FOXP2: variants seen among roughly 807,000 people sequenced by gnomAD.
The protein encoded by FOXP2 is forkhead box P2.
Under a neutral mutation model 115.8 loss-of-function variants are expected in FOXP2, and 12 were observed. That is an observed-to-expected ratio of 0.10 (90% CI 0.07 to 0.17). The LOEUF (loss-of-function observed/expected upper bound fraction) is 0.17. FOXP2 is among the 10% of genes least tolerant of loss of function. The pLI is 1.00. For synonymous variants in FOXP2, 328 were observed against 297.7 expected (o/e 1.10, Z -1.05); for missense variants, 629 against 843.5 (o/e 0.75, Z 3.15).
chr7:114,161,803 G>A (rs1037689525), upstream of FOXP2, among the ~76,000 whole-genome samples: 1 of 151,958 alleles, frequency 6.6e-6, no homozygotes, highest in Non-Finnish European at 1.5e-5. Context: ...TTGAGACAGG[G>A]TCTCACTCTG....
At chr7:114,261,256 C>G (rs1428368692) in intron 1 of FOXP2, among the ~76,000 whole-genome samples, 3 of 152,066 alleles carry the variant, frequency 2.0e-5, no homozygotes, top group Non-Finnish European at 4.4e-5. Flanking sequence ...AATAACTTTC[C>G]CACCTGACAT....
At chr7:114,202,019 C>T (rs1794080318) in intron 1 of FOXP2, among the ~76,000 whole-genome samples, 2 of 152,110 alleles carry the variant, frequency 1.3e-5, no homozygotes, top group South Asian at 4.1e-4. Context: ...ATGAAAAACT[C>T]AAAACAAAAA....
intron 1 of FOXP2, among the ~76,000 whole-genome samples, chr7:114,090,500 A>G (rs1305856183): frequency 6.6e-6 from 1 of 151,850 alleles, no homozygotes; most frequent in African/African-American, 2.4e-5. Context: ...TTCAAAAACA[A>G]CTTTATTTAT....
At chr7:114,463,906 A>G (rs1487343486) in intron 2 of FOXP2, among the ~76,000 whole-genome samples, 2 of 152,228 alleles carry the variant, frequency 1.3e-5, no homozygotes, top group Admixed American at 6.5e-5. Flanking sequence ...GATGTAATCA[A>G]TAACTAACAA....
chr7:114,206,834 AC>A (rs1202979069), intron 1 of FOXP2, among the ~76,000 whole-genome samples: 2 of 152,184 alleles, frequency 1.3e-5, no homozygotes, highest in Admixed American at 1.3e-4. Context: ...CATAAAATTC[AC>A]CATTTTAAAG....
intron 2 of FOXP2, among the ~76,000 whole-genome samples, chr7:114,515,436 T>A (rs1161917866): frequency 4.0e-5 from 6 of 151,844 alleles, no homozygotes; most frequent in Admixed American, 1.3e-4. Context: ...GGTATCTTAT[T>A]GTGGTTTTGA....
chr7:114,324,741 AG>A (rs1293157438), intron 2 of FOXP2, among the ~76,000 whole-genome samples: 1 of 151,926 alleles, frequency 6.6e-6, no homozygotes, highest in East Asian at 1.9e-4. Flanking sequence ...ATATTTGCTT[AG>A]GAACCTTTTA....
At chr7:114,198,453 T>A (rs771672735) in intron 1 of FOXP2, among the ~76,000 whole-genome samples, 30 of 152,232 alleles carry the variant, frequency 2.0e-4, no homozygotes, top group Non-Finnish European at 3.1e-4. Context: ...GCTGATGGTT[T>A]CATGATGAAA....
At chr7:114,678,861 A>T (rs555741964) in intron 16 of FOXP2, among the ~76,000 whole-genome samples, 366 of 152,264 alleles carry the variant, frequency 2.4e-3, no homozygotes, top group African/African-American at 7.9e-3. Context: ...AAATACAAAG[A>T]TTCATAGAGG....
intron 1 of FOXP2, among the ~76,000 whole-genome samples, chr7:114,235,898 A>G (rs919526506): frequency 6.6e-6 from 1 of 152,282 alleles, no homozygotes; most frequent in Non-Finnish European, 1.5e-5. Flanking sequence ...TCTCTCTGTA[A>G]AGCATTCTTT....
chr7:114,327,348 C>A (rs1797582522), intron 2 of FOXP2, among the ~76,000 whole-genome samples: 1 of 152,136 alleles, frequency 6.6e-6, no homozygotes, highest in Non-Finnish European at 1.5e-5. Flanking sequence ...AAATTCTTAT[C>A]TGGTCTATCA....
At chr7:114,356,275 G>A (rs1337157553) in intron 2 of FOXP2, among the ~76,000 whole-genome samples, 1 of 152,098 alleles carries the variant, frequency 6.6e-6, no homozygotes, top group African/African-American at 2.4e-5. Flanking sequence ...TTCGCATATT[G>A]TTAATTTTGT....
At position 114,629,910 on chromosome 7, in the gene FOXP2, C is replaced by G; in HGVS notation, c.502C>G (p.Gln168Glu). ...GCAGCAACAACAGCAGCAACAACAG[C>G]AGCAGCAACAACAACAACAACAGCA... ...QQQQQQQQQQQQQQQQQQQQQ... is the reference protein window; with the variant it reads ...QQQQQQQQQQEQQQQQQQQQQ... Residue 168 changes from glutamine (Q) to glutamate (E), a missense_variant, in exon 5 of 17, where the codon CAG becomes GAG. This residue lies in a region of FOXP2 where 138 missense variants were observed against 205.1 expected (regional missense o/e 0.67). Coordinates refer to ENST00000350908, the MANE Select transcript of FOXP2 (RefSeq NM_014491.4). 6.2e-7 allele frequency: 1 copy of G among 1,610,922 alleles called. No individual in the cohort carries two copies. The highest frequency in any genetic ancestry group is 8.5e-7 in the Non-Finnish European group (1 of 1,179,108).
intron 1 of FOXP2, among the ~76,000 whole-genome samples, chr7:114,240,414 A>G (rs1795122310): frequency 6.6e-6 from 1 of 152,138 alleles, no homozygotes; most frequent in Admixed American, 6.5e-5. Flanking sequence ...ATAGAACAAT[A>G]AATTCACAAA....
At chr7:114,370,589 A>G (rs1791980356) in intron 2 of FOXP2, among the ~76,000 whole-genome samples, 1 of 152,222 alleles carries the variant, frequency 6.6e-6, no homozygotes, top group African/African-American at 2.4e-5. Flanking sequence ...GAGAACATGG[A>G]CATTCTTACT....
chr7:114,381,399 G>A (rs1051692518), intron 2 of FOXP2, among the ~76,000 whole-genome samples: 7 of 152,174 alleles, frequency 4.6e-5, no homozygotes, highest in South Asian at 2.1e-4. Flanking sequence ...TCCCTGTACC[G>A]AAGGACAAGA....
rs886061937 is a variant in FOXP2, at chr7:114,693,662, C to G, written c.*3736C>G. On this transcript the variant is annotated 3_prime_UTR_variant, in exon 17 of 17. Transcript: ENST00000350908. ...TTTTACTATAGAATTAATGTATGAACAGTGTGTCACTGCTGTTGGATGTAA... is the reference window on the plus strand; with the variant it reads ...TTTTACTATAGAATTAATGTATGAAGAGTGTGTCACTGCTGTTGGATGTAA... The G allele has an allele frequency of 7.2e-6, 3 of 414,326 alleles. No homozygotes were observed. In the East Asian group the frequency reaches 2.2e-4, roughly 30 times the overall value. The allele number at this position is 414,326 out of a possible 1,614,324, so 25.7% of individuals were successfully genotyped here. A position where few individuals can be genotyped will look rare whatever the true frequency, so the allele number is the denominator to read the frequency against.
rs532281820 is a variant in FOXP2 at position 114,398,089 on chromosome 7, A to G, written c.-10-28413A>G. Among the ~76,000 whole-genome samples the G allele has an allele frequency of 3.3e-5, 5 of 152,314 alleles. No individual in the cohort carries two copies. In the South Asian group the frequency reaches 1.0e-3, roughly 32 times the overall value. ...AAAGAGAAGGAGTTATAATGGATAT[A>G]GACCTTTAATTTTAAAGTTAACATA... is the stretch of plus-strand genomic sequence containing the variant. On this transcript the variant is annotated intron_variant, in intron 2 of 17. Transcript: ENST00000634411.
At chr7:114,095,283 T>C (rs905911137) in intron 1 of FOXP2, among the ~76,000 whole-genome samples, 3 of 152,174 alleles carry the variant, frequency 2.0e-5, no homozygotes, top group Non-Finnish European at 4.4e-5. Context: ...AAGAAATGCA[T>C]GGAATCAAAT....
Sources: gnomAD v4.1 joint callset for allele counts (sites outside exome capture counted in the v4.1 genomes callset) on GRCh38, gnomAD v4.1.1 for gene constraint, gnomAD v4.1.1 regional missense constraint, MANE v1.5 for transcripts, NCBI Gene and HGNC (gene_info 2026-07-23, HGNC 2026-07-21) for gene names.